Variants in HERC2 observed in about 807,000 individuals in gnomAD.
The protein encoded by HERC2 is HECT and RLD domain containing E3 ubiquitin protein ligase 2.
In HERC2, 102 loss-of-function variants were observed where a neutral mutation model predicts 537.7. The ratio of observed to expected loss-of-function variants is 0.19; its 90% CI spans 0.16 to 0.22. The LOEUF (loss-of-function observed/expected upper bound fraction) is 0.22, where lower values mean the gene tolerates loss of function less well. Among genes scored for constraint, HERC2 ranks in the 10% least tolerant of loss-of-function variants. HERC2 has a pLI of 1.00. For missense variants in HERC2, 4,236 were observed against 6,198.2 expected (o/e 0.68, Z 10.63); for synonymous variants, 2,224 against 2,466.2 (o/e 0.90, Z 2.91).
intron 15 of HERC2, 99 bp from the exon 16 acceptor site, chr15:28,261,069 T>G (rs566082863): frequency 1.7e-5 from 14 of 812,012 alleles, no homozygotes; most frequent in Non-Finnish European, 2.3e-5. Context: ...CTTTTAACAT[T>G]AACTTCTTGA....
chr15:28,234,991 C>T (rs1296672382), intron 26 of HERC2, among the ~76,000 whole-genome samples: 4 of 151,862 alleles, frequency 2.6e-5, no homozygotes, highest in Admixed American at 6.6e-5. Context: ...GAGACCTGTG[C>T]GTGGTGCAAG....
At chr15:28,273,899 T>C (rs557591778) in intron 7 of HERC2, among the ~76,000 whole-genome samples, 1 of 152,348 alleles carries the variant, frequency 6.6e-6, no homozygotes, top group East Asian at 1.9e-4. Flanking sequence ...GACTAAAGAA[T>C]TTGATCTTGA....
chr15:28,269,424 C>T lies in HERC2; in HGVS notation c.1270G>A (p.Glu424Lys). ...CCTATTAACCCCCAACCTATGACCTCTTGCAATGATCCCTGTAAGATAAGA... is the reference window on the plus strand; with the variant it reads ...CCTATTAACCCCCAACCTATGACCTTTTGCAATGATCCCTGTAAGATAAGA... ...SPTSHKGSLQEVIGWGLIGWK... is the reference protein window; with the variant it reads ...SPTSHKGSLQKVIGWGLIGWK... The change falls in exon 11 of 93, where the codon GAG becomes AAG. Residue 424 changes from glutamate (E) to lysine (K), a missense_variant. By Grantham distance (56) the Glu-to-Lys change is moderately conservative. This residue lies in a region of HERC2 where 491 missense variants were observed against 559.3 expected (regional missense o/e 0.88). Coordinates refer to ENST00000261609, the MANE Select transcript of HERC2 (RefSeq NM_004667.6). 11 of 1,611,722 alleles carry T rather than the reference C, an allele frequency of 6.8e-6. No homozygotes were observed. The highest frequency in any genetic ancestry group is 2.2e-5 in the East Asian group (1 of 44,842).
At position 28,144,081 on chromosome 15, in the gene HERC2, G is replaced by A. The variant is rs141528436; in HGVS notation, c.11295C>T (p.Ala3765=). ...AACTGTAATGGTGGCATTTACCTAG[G>A]GCACTCAGCTGTGCACAAGCTGCCA... ...ASLAACAQLS[A]LAASHRMWAL... Residue 3765 remains alanine, a synonymous_variant, in exon 73 of 93, where the codon GCC becomes GCT. Transcript: ENST00000261609. 148 of 1,614,006 alleles carry A rather than the reference G, an allele frequency of 9.2e-5. No individual in the cohort carries two copies. Among genetic ancestry groups the A allele is most frequent in the Non-Finnish European group, 1.3e-4 (148 of 1,180,046 alleles).
intron 4 of HERC2, among the ~76,000 whole-genome samples, chr15:28,288,967 G>C (rs1310268419): frequency 6.6e-6 from 1 of 151,852 alleles, no homozygotes; most frequent in Non-Finnish European, 1.5e-5. Context: ...TGTTTCACTT[G>C]GACATGACAC....
chr15:28,192,727 T>C (rs1000211427), intron 52 of HERC2, among the ~76,000 whole-genome samples: 1 of 152,188 alleles, frequency 6.6e-6, no homozygotes, highest in African/African-American at 2.4e-5. Flanking sequence ...AGGCTGCTGT[T>C]CCCTGATGGC....
At chr15:28,187,246 T>C (rs924883485) in intron 55 of HERC2, among the ~76,000 whole-genome samples, 17 of 152,248 alleles carry the variant, frequency 1.1e-4, no homozygotes, top group Admixed American at 1.1e-3. Flanking sequence ...TGTTCAGATA[T>C]GGATTATCAT....
intron 2 of HERC2, among the ~76,000 whole-genome samples, chr15:28,299,814 G>A (rs1401347739): frequency 6.6e-6 from 1 of 152,104 alleles, no homozygotes; most frequent in African/African-American, 2.4e-5. Flanking sequence ...CACTTTGGGA[G>A]GCCGAGCGGG....
chr15:28,218,438 C>T (rs780921737), intron 38 of HERC2, 51 bp downstream of exon 38: 13 of 1,485,938 alleles, frequency 8.7e-6, no homozygotes, highest in African/African-American at 1.6e-5. Context: ...CAGACACAAG[C>T]GTGCGGCCCC....
Position 28,114,993 on chromosome 15 carries a change from C to T in HERC2, c.13723-191G>A, listed in dbSNP as rs114448863. 2.1e-3 allele frequency among the ~76,000 whole-genome samples: 324 copies of T among 152,032 alleles called. 3 individuals carry two copies. Among genetic ancestry groups the T allele is most frequent in the African/African-American group, 7.6e-3 (316 of 41,452 alleles). On this transcript the variant is annotated intron_variant, in intron 89 of 92. Transcript: ENST00000261609. ...AGAGTACTTCACCCAAGGAGCTGAA[C>T]GAAGAATTCACAATTCAGCCAAATG...
At chr15:28,127,464 G>A (rs991303654) in intron 83 of HERC2, among the ~76,000 whole-genome samples, 5 of 152,198 alleles carry the variant, frequency 3.3e-5, no homozygotes, top group African/African-American at 1.2e-4. Context: ...AACTGGACCT[G>A]GGGATACTGG....
intron 50 of HERC2, among the ~76,000 whole-genome samples, chr15:28,197,729 CA>C (rs1389940381): frequency 6.6e-6 from 1 of 152,108 alleles, no homozygotes; most frequent in Non-Finnish European, 1.5e-5. Context: ...CCAGCCTGGT[CA>C]GGGGAGGAGA....
Position 28,257,118 on chromosome 15 carries a change from G to T in HERC2, c.2460C>A (p.Pro820=). 6.2e-7 allele frequency: 1 copy of T among 1,613,834 alleles called. No individual in the cohort carries two copies. The highest frequency in any genetic ancestry group is 8.5e-7 in the Non-Finnish European group (1 of 1,179,788). The change falls in exon 17 of 93, where the codon CCC becomes CCA. Residue 820 remains proline, a synonymous_variant. Coordinates refer to ENST00000261609, the MANE Select transcript of HERC2 (RefSeq NM_004667.6). The part of the protein sequence containing the change: ...SEGMDGSADW[P]PPQEKECVAV... ...CCACACACTCTTTCTCCTGGGGCGG[G>T]GGCCAGTCCGCGGAACCATCCATCC...
intron 83 of HERC2, among the ~76,000 whole-genome samples, 188 bp downstream of exon 83, chr15:28,129,975 G>A (rs560431550): frequency 1.1e-4 from 16 of 152,092 alleles, no homozygotes; most frequent in African/African-American, 2.9e-4. Flanking sequence ...GATGTTTACC[G>A]TGTAGGCCAG....
chr15:28,264,224 T>C (rs542014741), intron 14 of HERC2, among the ~76,000 whole-genome samples: 11 of 152,296 alleles, frequency 7.2e-5, no homozygotes, highest in African/African-American at 2.6e-4. Flanking sequence ...GTGGGCTTTC[T>C]GTCCCAACTA....
At chr15:28,178,053 C>G (rs114135590) in intron 59 of HERC2, among the ~76,000 whole-genome samples, 1,535 of 152,344 alleles carry the variant, frequency 0.01, 22 homozygotes, top group African/African-American at 0.031. Flanking sequence ...TTCCTGCCAA[C>G]TCCTGGGCTT....
chr15:28,227,502 A>C (rs1183490310), intron 35 of HERC2, among the ~76,000 whole-genome samples: 1 of 151,094 alleles, frequency 6.6e-6, no homozygotes. Flanking sequence ...TAGTGTTGGC[A>C]GGGAAGCAGA....
intron 65 of HERC2, among the ~76,000 whole-genome samples, chr15:28,173,123 G>A (rs1432405951): frequency 6.6e-6 from 1 of 152,188 alleles, no homozygotes; most frequent in African/African-American, 2.4e-5. Context: ...TGTGGAGGAT[G>A]TGGACCTCTG....
At chr15:28,277,463 T>TAA (rs34192629) in intron 5 of HERC2, among the ~76,000 whole-genome samples, 1,743 of 137,482 alleles carry the variant, frequency 0.013, 16 homozygotes, top group Non-Finnish European at 0.017. Context: ...CACAATTATC[T>TAA]AAAAAAAAAA....
Sources: allele counts gnomAD v4.1 joint callset (sites outside exome capture counted in the v4.1 genomes callset), GRCh38; gene constraint gnomAD v4.1.1; regional missense constraint gnomAD v4.1.1; transcripts MANE v1.5; gene names NCBI Gene and HGNC (gene_info 2026-07-23, HGNC 2026-07-21).